IFT56: variants seen among roughly 807,000 people sequenced by gnomAD.
IFT56 encodes intraflagellar transport 56.
chr7:139,154,177 A>G, the IFT56 span, among the ~76,000 whole-genome samples: 1 of 152,088 alleles, frequency 6.6e-6, no homozygotes, highest in Non-Finnish European at 1.5e-5. Context: ...TTTTTTAAAT[A>G]AGTTATTTGT....
the IFT56 span, chr7:139,137,720 C>A: frequency 3.1e-6 from 2 of 643,876 alleles, no homozygotes; most frequent in Non-Finnish European, 5.4e-6. Context: ...TTTAATTAAA[C>A]CTCATATTGT....
chr7:139,146,222 GT>G, the IFT56 span, among the ~76,000 whole-genome samples: 1 of 152,020 alleles, frequency 6.6e-6, no homozygotes, highest in African/African-American at 2.4e-5. Flanking sequence ...CATATTAAGG[GT>G]CACTGTCAAA....
the IFT56 span, among the ~76,000 whole-genome samples, chr7:139,156,991 CA>C: frequency 6.6e-6 from 1 of 152,078 alleles, no homozygotes; most frequent in Admixed American, 6.6e-5. Context: ...ACAAGCCTGC[CA>C]AATCCAAACA....
chr7:139,141,417 C>T, the IFT56 span, among the ~76,000 whole-genome samples: 3 of 152,144 alleles, frequency 2.0e-5, no homozygotes, highest in African/African-American at 7.2e-5. Context: ...CCACGCCCAC[C>T]ACCATGCCCA....
At chr7:139,145,727 A>G in the IFT56 span, among the ~76,000 whole-genome samples, 4 of 150,636 alleles carry the variant, frequency 2.7e-5, no homozygotes, top group Non-Finnish European at 5.9e-5. Flanking sequence ...TTTTACACAG[A>G]TTTTTCAGTA....
chr7:139,176,851 T>G, the IFT56 span, among the ~76,000 whole-genome samples: 2 of 152,132 alleles, frequency 1.3e-5, no homozygotes, highest in Non-Finnish European at 2.9e-5. Context: ...ATTATGGAAC[T>G]TAAGTCTAGT....
the IFT56 span, chr7:139,148,086 C>T: frequency 2.4e-6 from 2 of 849,372 alleles, no homozygotes; most frequent in Admixed American, 4.7e-5. Flanking sequence ...ATATCTTGCC[C>T]TCTTTCTTCA....
chr7:139,136,213 C>T, the IFT56 span, among the ~76,000 whole-genome samples: 2 of 152,168 alleles, frequency 1.3e-5, no homozygotes, highest in Admixed American at 1.3e-4. Context: ...GTGTGGGCCA[C>T]CGCGCCCGGC....
chr7:139,173,478 C>T, the IFT56 span: 1 of 681,510 alleles, frequency 1.5e-6, no homozygotes, highest in Non-Finnish European at 2.7e-6. Context: ...ATCCACTCAC[C>T]TCGGCCTCCC....
chr7:139,146,985 A>G, the IFT56 span: 17 of 1,525,200 alleles, frequency 1.1e-5, no homozygotes, highest in Non-Finnish European at 1.5e-5. Context: ...TCTTTGCAGG[A>G]GAAATGAAGT....
At chr7:139,140,518 G>A in the IFT56 span, among the ~76,000 whole-genome samples, 11 of 152,216 alleles carry the variant, frequency 7.2e-5, no homozygotes, top group East Asian at 9.7e-4. Flanking sequence ...GGTGGCTCAC[G>A]CCTGTAATCC....
At chr7:139,177,374 C>T in the IFT56 span, among the ~76,000 whole-genome samples, 1 of 151,050 alleles carries the variant, frequency 6.6e-6, no homozygotes, top group Non-Finnish European at 1.5e-5. Flanking sequence ...ACAGGCATTC[C>T]TAAGACTCCT....
chr7:139,166,517 A>AAT, the IFT56 span, among the ~76,000 whole-genome samples: 63 of 150,788 alleles, frequency 4.2e-4, no homozygotes, highest in African/African-American at 5.3e-4. Flanking sequence ...CTATATACTT[A>AAT]ATATATATAT....
chr7:139,189,777 TAACA>T, the IFT56 span: 1 of 160,418 alleles, frequency 6.2e-6, no homozygotes, highest in Admixed American at 6.3e-5. Flanking sequence ...CTGGCTGCAA[TAACA>T]AACATCTTTG....
chr7:139,161,488 G>A, the IFT56 span: 1 of 153,968 alleles, frequency 6.5e-6, no homozygotes, highest in African/African-American at 2.4e-5. Flanking sequence ...AAGTTGGATG[G>A]GTGGTTGGGT....
chr7:139,159,915 A>G, the IFT56 span, among the ~76,000 whole-genome samples: 87 of 152,314 alleles, frequency 5.7e-4, no homozygotes, highest in Non-Finnish European at 8.2e-4. Flanking sequence ...ACCATTTTCA[A>G]TGAATTGAAT....
the IFT56 span, chr7:139,148,448 A>C: frequency 1.4e-6 from 2 of 1,431,042 alleles, no homozygotes; most frequent in Non-Finnish European, 1.9e-6. Context: ...CAAGTTATTC[A>C]TGAAACTCTG....
At chr7:139,179,696 T>A in the IFT56 span, 1 of 1,424,960 alleles carries the variant, frequency 7.0e-7, no homozygotes, top group African/African-American at 1.4e-5. Context: ...TTCTTTTTGG[T>A]TGCATAATCT....
chr7:139,143,464 T>A, the IFT56 span, among the ~76,000 whole-genome samples: 1 of 152,238 alleles, frequency 6.6e-6, no homozygotes, highest in East Asian at 1.9e-4. Context: ...TCTGAAAAAT[T>A]TCTCTTTGTC....
Sources: allele counts gnomAD v4.1 joint callset (sites outside exome capture counted in the v4.1 genomes callset), GRCh38; gene constraint gnomAD v4.1.1; transcripts MANE v1.5; gene names NCBI Gene and HGNC (gene_info 2026-07-23, HGNC 2026-07-21).